GPC5: variants seen among roughly 807,000 people sequenced by gnomAD.
GPC5 encodes glypican 5.
Under a neutral mutation model 53.9 loss-of-function variants are expected in GPC5, and 47 were observed. That is an observed-to-expected ratio of 0.87 (90% CI 0.69 to 1.11). The LOEUF (loss-of-function observed/expected upper bound fraction) is 1.11. Among genes scored for constraint, GPC5 ranks in the 50% most tolerant of loss-of-function variants. The pLI is 0.00. For missense variants in GPC5, 748 were observed against 713.1 expected (o/e 1.05, Z -0.56); for synonymous variants, 286 against 263.3 (o/e 1.09, Z -0.84).
chr13:92,280,244 T>A (rs1340051852), intron 7 of GPC5, among the ~76,000 whole-genome samples: 1 of 152,146 alleles, frequency 6.6e-6, no homozygotes, highest in Non-Finnish European at 1.5e-5. Context: ...TTTAGTTGTT[T>A]TTGTCTTCTG....
At chr13:92,487,857 A>AG (rs1879615025) in intron 7 of GPC5, among the ~76,000 whole-genome samples, 1 of 150,448 alleles carries the variant, frequency 6.6e-6, no homozygotes, top group African/African-American at 2.4e-5. Context: ...AAAAAAAAAA[A>AG]AAAGAAAGTA....
intron 6 of GPC5, among the ~76,000 whole-genome samples, chr13:92,128,399 G>T (rs1054691477): frequency 2.0e-5 from 3 of 152,180 alleles, no homozygotes; most frequent in African/African-American, 7.2e-5. Context: ...TAGACCAACT[G>T]ACCAAAACAC....
intron 7 of GPC5, among the ~76,000 whole-genome samples, chr13:92,487,877 C>T (rs1184421192): frequency 1.3e-5 from 2 of 149,564 alleles, no homozygotes; most frequent in Non-Finnish European, 3.0e-5. Context: ...AAAACCTATG[C>T]TATTACAGGC....
chr13:91,967,018 G>A (rs2040187395), intron 6 of GPC5, among the ~76,000 whole-genome samples: 1 of 152,152 alleles, frequency 6.6e-6, no homozygotes, highest in Admixed American at 6.5e-5. Context: ...TACTGATAAA[G>A]ATATACCTGA....
chr13:92,313,223 A>G (rs2139212905), intron 7 of GPC5, among the ~76,000 whole-genome samples: 1 of 152,332 alleles, frequency 6.6e-6, no homozygotes, highest in African/African-American at 2.4e-5. Flanking sequence ...CAGCTCATAT[A>G]CATGAGCACT....
At chr13:92,550,061 A>T (rs1264940387) in intron 7 of GPC5, among the ~76,000 whole-genome samples, 1 of 151,904 alleles carries the variant, frequency 6.6e-6, no homozygotes. Context: ...AAGAAATAAA[A>T]TAGTTTTTAT....
chr13:92,654,259 T>C (rs149329108), intron 7 of GPC5, among the ~76,000 whole-genome samples: 42 of 152,302 alleles, frequency 2.8e-4, no homozygotes, highest in African/African-American at 9.6e-4. Flanking sequence ...GATGTAAAGA[T>C]TGGTTTTTTA....
chr13:92,788,230 C>G (rs1444350523), intron 7 of GPC5, among the ~76,000 whole-genome samples: 1 of 151,754 alleles, frequency 6.6e-6, no homozygotes, highest in African/African-American at 2.4e-5. Context: ...GTCCATGTAT[C>G]TTTCTCAGAT....
intron 7 of GPC5, among the ~76,000 whole-genome samples, chr13:92,466,931 A>T (rs1878713821): frequency 1.3e-5 from 2 of 152,136 alleles, no homozygotes; most frequent in Admixed American, 6.6e-5. Flanking sequence ...TTCAGTTGAG[A>T]CAAGAGGGTA....
At chr13:92,139,378 C>G (rs116508688) in intron 6 of GPC5, among the ~76,000 whole-genome samples, 2,811 of 152,146 alleles carry the variant, frequency 0.018, 39 homozygotes, top group Non-Finnish European at 0.026. Context: ...TTTCAAAATA[C>G]GTGTTATGGC....
At chr13:92,561,247 A>G (rs1264396147) in intron 7 of GPC5, among the ~76,000 whole-genome samples, 1 of 152,002 alleles carries the variant, frequency 6.6e-6, no homozygotes, top group Non-Finnish European at 1.5e-5. Flanking sequence ...CGATCATTAT[A>G]TTCCTTGCCA....
chr13:92,116,912 T>C (rs2041606179), intron 6 of GPC5, among the ~76,000 whole-genome samples: 3 of 152,240 alleles, frequency 2.0e-5, no homozygotes, highest in African/African-American at 7.2e-5. Flanking sequence ...TTATTAAGTT[T>C]TGGGAATATT....
intron 7 of GPC5, among the ~76,000 whole-genome samples, chr13:92,499,257 T>G (rs2138928525): frequency 6.6e-6 from 1 of 152,228 alleles, no homozygotes; most frequent in South Asian, 2.1e-4. Flanking sequence ...CTGAGAAACC[T>G]AGGAGGAATC....
chr13:92,565,075 T>A (rs1472179211), intron 7 of GPC5, among the ~76,000 whole-genome samples: 1 of 152,028 alleles, frequency 6.6e-6, no homozygotes, highest in East Asian at 1.9e-4. Context: ...TGCACTCATT[T>A]CCCTTTTAAG....
At chr13:92,635,448 G>T (rs1209436010) in intron 7 of GPC5, among the ~76,000 whole-genome samples, 1 of 152,162 alleles carries the variant, frequency 6.6e-6, no homozygotes, top group African/African-American at 2.4e-5. Flanking sequence ...GAAGTGGAAG[G>T]TAGAAGTTGA....
intron 7 of GPC5, among the ~76,000 whole-genome samples, chr13:92,330,935 T>G (rs2043283949): frequency 6.6e-6 from 1 of 152,176 alleles, no homozygotes; most frequent in South Asian, 2.1e-4. Flanking sequence ...TTTTCAAACT[T>G]GACTGATTCT....
chr13:92,267,059 T>C (rs536423976), intron 7 of GPC5, among the ~76,000 whole-genome samples: 2 of 152,144 alleles, frequency 1.3e-5, no homozygotes, highest in African/African-American at 2.4e-5. Context: ...TTTAGCTTCA[T>C]GCAATTTTGC....
intron 7 of GPC5, among the ~76,000 whole-genome samples, chr13:92,536,659 G>A (rs757750473): frequency 6.6e-6 from 1 of 152,066 alleles, no homozygotes; most frequent in Non-Finnish European, 1.5e-5. Flanking sequence ...GTGTTCTCAG[G>A]TAGGGAAATT....
chr13:92,586,051 G>A (rs1883528571), intron 7 of GPC5, among the ~76,000 whole-genome samples: 1 of 152,198 alleles, frequency 6.6e-6, no homozygotes, highest in Non-Finnish European at 1.5e-5. Flanking sequence ...TAGTTTATAT[G>A]CTGATGCTAA....
Sources: gnomAD v4.1 joint callset for allele counts (sites outside exome capture counted in the v4.1 genomes callset) on GRCh38, gnomAD v4.1.1 for gene constraint, MANE v1.5 for transcripts, NCBI Gene and HGNC (gene_info 2026-07-23, HGNC 2026-07-21) for gene names.